The following NRG2 variants were observed in gnomAD, a reference collection of about 807,000 sequenced individuals.
NRG2 encodes the protein pro-neuregulin-2, membrane-bound isoform.
In NRG2, 27 loss-of-function variants were observed where a neutral mutation model predicts 73.9. The ratio of observed to expected loss-of-function variants is 0.37; its 90% confidence interval spans 0.27 to 0.50. The LOEUF (loss-of-function observed/expected upper bound fraction) is 0.50. Among genes scored for constraint, NRG2 ranks in the 20% least tolerant of loss-of-function variants. The pLI, the probability that NRG2 is intolerant of heterozygous loss-of-function variation, is 0.96. For missense variants in NRG2, 1,126 were observed against 1,210.1 expected, an observed-to-expected ratio of 0.93 and a Z score of 1.03; for synonymous variants, 532 against 541.0, an observed-to-expected ratio of 0.98 and a Z score of 0.23.
chr5:139,979,973 G>A (rs1203206357), intron 1 of NRG2, among the ~76,000 whole-genome samples: 1 of 152,102 alleles, frequency 6.6e-6, no homozygotes, highest in Non-Finnish European at 1.5e-5. Flanking sequence ...ATACTCTGTT[G>A]GAAACTAAGA....
rs922785678 is a variant in NRG2 at position 139,870,462 on chromosome 5, A to C, written c.1112+1259T>G. Among the ~76,000 whole-genome samples, 2 of 152,200 alleles carry C rather than the reference A, an allele frequency of 1.3e-5. No homozygotes were observed. The highest frequency in any genetic ancestry group is 2.4e-5 in the African/African-American group (1 of 41,452). ...GGTCTTGAAAAGTCCTGGCCTTCTC[A>C]GACCAGGCTCACATTCCCGGGCAAG... On this transcript the variant is annotated intron_variant, in intron 4 of 9. Transcript: ENST00000361474. The surrounding 1 kb of genome is among the most constrained non-coding windows in gnomAD (Gnocchi z 4.4).
At chr5:139,871,962 G>A (rs1762882602) in intron 3 of NRG2, 121 bp from the exon 4 acceptor site, 2 of 1,367,452 alleles carry the variant, frequency 1.5e-6, no homozygotes, top group African/African-American at 1.5e-5. Context: ...GAATGACTGG[G>A]GAGGGGAGGT....
At chr5:139,982,054 G>A (rs1561727231) in intron 1 of NRG2, among the ~76,000 whole-genome samples, 1 of 152,228 alleles carries the variant, frequency 6.6e-6, no homozygotes, top group African/African-American at 2.4e-5. Context: ...ACATGGTTCA[G>A]GGGTTGAGGT....
intron 1 of NRG2, among the ~76,000 whole-genome samples, chr5:139,902,879 T>C (rs1405033284): frequency 6.6e-6 from 1 of 152,208 alleles, no homozygotes; most frequent in African/African-American, 2.4e-5. Context: ...AGACCACCTG[T>C]CCTTGGGAAG....
At chr5:139,905,192 A>G (rs952259118) in intron 1 of NRG2, among the ~76,000 whole-genome samples, 1 of 152,058 alleles carries the variant, frequency 6.6e-6, no homozygotes, top group African/African-American at 2.4e-5. Context: ...AGGCCTGCGG[A>G]GGTGAACTCA....
At chr5:139,967,796 T>C (rs964924668) in intron 1 of NRG2, among the ~76,000 whole-genome samples, 1 of 150,398 alleles carries the variant, frequency 6.6e-6, no homozygotes, top group Non-Finnish European at 1.5e-5. Flanking sequence ...CCATCTCTAT[T>C]GAAAATACAA....
intron 1 of NRG2, among the ~76,000 whole-genome samples, chr5:139,969,756 A>G (rs951564472): frequency 1.3e-5 from 2 of 152,162 alleles, no homozygotes; most frequent in African/African-American, 4.8e-5. Context: ...TTCCACCCCA[A>G]ATAATAGATG....
In NRG2 at chr5:139,856,963, C is replaced by T. The variant is rs565563395; in HGVS notation, c.1190-1185G>A. 2.0e-5 allele frequency among the ~76,000 whole-genome samples: 3 copies of T among 152,310 alleles called. No individual in the cohort carries two copies. The South Asian group carries it at 6.2e-4, about 32-fold the overall frequency. ...GGCTCTGTGCCCACAGCCCTGGCTC[C>T]AGCTCTCACGCCCCCTTCACATGCC... On this transcript the variant is annotated intron_variant, in intron 5 of 9. Coordinates refer to ENST00000361474, the MANE Select transcript of NRG2 (RefSeq NM_004883.3). The surrounding 1 kb of genome is among the most constrained non-coding windows in gnomAD (Gnocchi z 4.2).
Position 139,853,036 on chromosome 5 carries a change from G to A in NRG2, c.1293-9C>T, listed in dbSNP as rs774105302. Reference sequence around the variant, plus strand: ...TCTGCTTCCGCTGTTTTCTGCACAAGGGAAGGGAAGGTGAGGCTGGCATTC... The same window carrying A: ...TCTGCTTCCGCTGTTTTCTGCACAAAGGAAGGGAAGGTGAGGCTGGCATTC... On this transcript the variant is annotated splice_polypyrimidine_tract_variant and intron_variant, in intron 6 of 9. Coordinates refer to ENST00000361474, the MANE Select transcript of NRG2 (RefSeq NM_004883.3). The surrounding 1 kb of genome is among the most constrained non-coding windows in gnomAD (Gnocchi z 4.1). 3.1e-6 allele frequency: 5 copies of A among 1,613,146 alleles called. No homozygotes were observed. Among genetic ancestry groups the A allele is most frequent in the Admixed American group, 3.3e-5 (2 of 59,826 alleles).
At chr5:139,883,411 G>A (rs928063554) in intron 2 of NRG2, among the ~76,000 whole-genome samples, 5 of 147,462 alleles carry the variant, frequency 3.4e-5, no homozygotes, top group Non-Finnish European at 6.1e-5. Flanking sequence ...GGAAGGCCCC[G>A]TGCCCAGGAT....
chr5:139,982,221 G>C lies in NRG2; in HGVS notation c.700+60149C>G, dbSNP rs537746780. 6.6e-5 allele frequency among the ~76,000 whole-genome samples: 10 copies of C among 152,224 alleles called. No individual in the cohort carries two copies. In the East Asian group the frequency reaches 1.9e-3, roughly 29 times the overall value. ...TAGAATTCAAAGCAATCTACAATCT[G>C]TCTTCCTCCCCCGATCTGCTCCTGC... On this transcript the variant is annotated intron_variant, in intron 1 of 9. Coordinates refer to ENST00000361474, the MANE Select transcript of NRG2 (RefSeq NM_004883.3).
chr5:139,985,965 G>A (rs1416802807), intron 1 of NRG2, among the ~76,000 whole-genome samples: 6 of 152,198 alleles, frequency 3.9e-5, no homozygotes, highest in African/African-American at 1.2e-4. Flanking sequence ...AATGTGGCAT[G>A]TGGGGCTCCC....
intron 1 of NRG2, among the ~76,000 whole-genome samples, chr5:139,924,107 G>A (rs145070802): frequency 1.3e-5 from 2 of 152,256 alleles, no homozygotes; most frequent in African/African-American, 4.8e-5. Flanking sequence ...GATGAGTAAG[G>A]CCTGGTCCCA....
Position 139,865,491 on chromosome 5 carries a change from G to T in NRG2, c.1189+58C>A, listed in dbSNP as rs1011858751. The T allele has an allele frequency of 7.3e-5, 98 of 1,335,022 alleles. No homozygotes were observed. The highest frequency in any genetic ancestry group is 9.9e-5 in the Non-Finnish European group (92 of 931,754). The allele number at this position is 1,335,022 out of a possible 1,614,324, so 82.7% of individuals were successfully genotyped here. A position where few individuals can be genotyped will look rare whatever the true frequency, so the allele number is the denominator to read the frequency against. On this transcript the variant is annotated intron_variant, in intron 5 of 9. Transcript: ENST00000361474. This position sits in a 1 kb window ranked among gnomAD's most constrained non-coding sequence, Gnocchi z 5.2. ...CTGGCCCTATGCCCTACATTGGGGGGACTGCACCCAGAAGCTTTCTAAGGA... is the reference window on the plus strand; with the variant it reads ...CTGGCCCTATGCCCTACATTGGGGGTACTGCACCCAGAAGCTTTCTAAGGA...
chr5:139,952,479 C>T (rs565481206), intron 1 of NRG2, among the ~76,000 whole-genome samples: 1 of 152,194 alleles, frequency 6.6e-6, no homozygotes, highest in Non-Finnish European at 1.5e-5. Context: ...CACCCCAAAA[C>T]CAGTGCACAA....
intron 1 of NRG2, among the ~76,000 whole-genome samples, chr5:139,923,299 C>A (rs1751816656): frequency 6.6e-6 from 1 of 152,080 alleles, no homozygotes; most frequent in African/African-American, 2.4e-5. Flanking sequence ...AAGCAATTGA[C>A]AATTATGAAG....
At chr5:139,902,013 T>C (rs1192241748) in intron 1 of NRG2, among the ~76,000 whole-genome samples, 1 of 152,188 alleles carries the variant, frequency 6.6e-6, no homozygotes, top group Non-Finnish European at 1.5e-5. Context: ...GGGCTGAGCG[T>C]AGACTGCATA....
At chr5:139,970,309 A>G (rs898645417) in intron 1 of NRG2, among the ~76,000 whole-genome samples, 6 of 152,152 alleles carry the variant, frequency 3.9e-5, no homozygotes, top group African/African-American at 1.4e-4. Context: ...GAGTAGAGAA[A>G]ATGAACTGGT....
intron 1 of NRG2, among the ~76,000 whole-genome samples, chr5:139,937,862 A>G (rs1386350632): frequency 6.6e-6 from 1 of 152,240 alleles, no homozygotes; most frequent in Non-Finnish European, 1.5e-5. Context: ...CACACAGAAT[A>G]TATTTTTTAA....
Sources: allele counts gnomAD v4.1 joint callset (sites outside exome capture counted in the v4.1 genomes callset), GRCh38; gene constraint gnomAD v4.1.1; non-coding constraint Gnocchi (gnomAD v3.1); transcripts MANE v1.5; gene names NCBI Gene and HGNC (gene_info 2026-07-23, HGNC 2026-07-21).